ROR1: variants seen among roughly 807,000 people sequenced by gnomAD.
The protein encoded by ROR1 is inactive tyrosine-protein kinase transmembrane receptor ROR1.
A neutral mutation model predicts 78.8 loss-of-function variants in ROR1; 19 were observed. That is an observed-to-expected ratio of 0.24 (90% confidence interval 0.17 to 0.35). The LOEUF is 0.35. Among genes scored for constraint, ROR1 ranks in the 10% least tolerant of loss-of-function variants. The pLI is 1.00. For synonymous variants in ROR1, 386 were observed against 433.6 expected, an observed-to-expected ratio of 0.89 and a Z score of 1.36; for missense variants, 917 against 1,177.8, an observed-to-expected ratio of 0.78 and a Z score of 3.24.
Position 63,919,488 on chromosome 1 carries a change from C to CTTTT in ROR1, c.92-89803_92-89800dup, listed in dbSNP as rs10644304. On this transcript the variant is annotated intron_variant, in intron 1 of 8. Transcript: ENST00000371079. ...CTATGAGCAGTGTTCATTGAATTGGCTTTTTTTTTTTTTTTTTGCACTAGA... is the reference window on the plus strand; with the variant it reads ...CTATGAGCAGTGTTCATTGAATTGGCTTTTTTTTTTTTTTTTTTTTTGCACTAGA... Among the ~76,000 whole-genome samples the CTTTT allele has an allele frequency of 6.7e-3, 824 of 122,130 alleles. 6 individuals carry two copies. Among genetic ancestry groups the CTTTT allele is most frequent in the Middle Eastern group, 0.018 (4 of 224 alleles). The allele number at this position is 122,130 out of a possible 152,430, so 80.1% of individuals were successfully genotyped here.
intron 4 of ROR1, among the ~76,000 whole-genome samples, chr1:64,118,676 T>G (rs1648411240): frequency 6.8e-6 from 1 of 147,278 alleles, no homozygotes; most frequent in Non-Finnish European, 1.5e-5. Flanking sequence ...TAGATGGACC[T>G]GATCCTAATG....
chr1:63,871,785 G>C (rs1645253067), intron 1 of ROR1, among the ~76,000 whole-genome samples: 1 of 152,214 alleles, frequency 6.6e-6, no homozygotes, highest in Admixed American at 6.5e-5. Context: ...AGACTGATGG[G>C]TTTACACCAA....
intron 1 of ROR1, among the ~76,000 whole-genome samples, chr1:63,892,211 G>C (rs1057446904): frequency 6.6e-5 from 10 of 152,164 alleles, no homozygotes; most frequent in African/African-American, 2.4e-4. Flanking sequence ...CAATTGAATA[G>C]GGGAAAAGGT....
intron 1 of ROR1, among the ~76,000 whole-genome samples, chr1:63,877,196 A>C (rs1645292865): frequency 6.6e-6 from 1 of 152,166 alleles, no homozygotes; most frequent in Non-Finnish European, 1.5e-5. Flanking sequence ...ATCAGTTAAT[A>C]ACTTTGCCCA....
chr1:64,015,115 GA>G (rs1014508319), intron 2 of ROR1, among the ~76,000 whole-genome samples: 8 of 151,942 alleles, frequency 5.3e-5, no homozygotes, highest in African/African-American at 1.7e-4. Flanking sequence ...CTTGTGCAGA[GA>G]AACTCCTGTT....
intron 1 of ROR1, among the ~76,000 whole-genome samples, chr1:63,800,687 G>C (rs1349038600): frequency 6.6e-6 from 1 of 152,140 alleles, no homozygotes; most frequent in South Asian, 2.1e-4. Context: ...TCTCAGATGT[G>C]CTCCAGACTT....
chr1:64,120,479 T>C (rs1295821396), intron 4 of ROR1, among the ~76,000 whole-genome samples: 1 of 152,184 alleles, frequency 6.6e-6, no homozygotes, highest in Non-Finnish European at 1.5e-5. Context: ...GTAATAAATA[T>C]AAAAATATGA....
At chr1:64,039,824 C>A (rs990645652) in intron 2 of ROR1, among the ~76,000 whole-genome samples, 5 of 152,092 alleles carry the variant, frequency 3.3e-5, no homozygotes, top group Non-Finnish European at 5.9e-5. Flanking sequence ...TTACGTGGAC[C>A]CACTCATCCT....
At chr1:64,128,330 A>C (rs934696377) in intron 4 of ROR1, among the ~76,000 whole-genome samples, 1 of 150,982 alleles carries the variant, frequency 6.6e-6, no homozygotes, top group Non-Finnish European at 1.5e-5. Context: ...CTAGCCAAGC[A>C]TGGTGGCACA....
intron 8 of ROR1, among the ~76,000 whole-genome samples, chr1:64,160,204 A>G (rs969474889): frequency 2.0e-5 from 3 of 152,176 alleles, no homozygotes; most frequent in African/African-American, 7.2e-5. Context: ...AGGAAAAAAA[A>G]GTCTTCACAC....
chr1:63,992,718 A>C (rs1009252049), intron 1 of ROR1, among the ~76,000 whole-genome samples: 9 of 152,196 alleles, frequency 5.9e-5, no homozygotes, highest in African/African-American at 2.2e-4. Flanking sequence ...TTTTGTCACC[A>C]CCAAAATGAA....
chr1:63,860,772 GAA>G (rs1319567628), intron 1 of ROR1, among the ~76,000 whole-genome samples: 65 of 116,736 alleles, frequency 5.6e-4, no homozygotes, highest in East Asian at 1.2e-3. Flanking sequence ...CTGTCTCGGG[GAA>G]AAAAAAAAAA....
Position 63,893,054 on chromosome 1 carries a change from G to A in ROR1, c.92-116251G>A, listed in dbSNP as rs115384692. Among the ~76,000 whole-genome samples, 428 of 152,308 alleles carry A rather than the reference G, an allele frequency of 2.8e-3. 2 individuals carry two copies. The highest frequency in any genetic ancestry group is 0.01 in the African/African-American group (417 of 41,568). ...TGAGTTCATTTCTATGGTGTCAGCC[G>A]CAGAGGGTGCGGTTTCCCTGTCTCT... On this transcript the variant is annotated intron_variant, in intron 1 of 8. Transcript: ENST00000371079.
At chr1:64,153,742 G>C (rs148682768) in intron 7 of ROR1, among the ~76,000 whole-genome samples, 2 of 152,098 alleles carry the variant, frequency 1.3e-5, no homozygotes, top group African/African-American at 4.8e-5. Context: ...TGTCAGGGCT[G>C]GGGGAAGGGG....
At chr1:63,949,442 A>G (rs1645916141) in intron 1 of ROR1, among the ~76,000 whole-genome samples, 1 of 152,140 alleles carries the variant, frequency 6.6e-6, no homozygotes, top group Non-Finnish European at 1.5e-5. Flanking sequence ...ACATTTGAAT[A>G]ATGTTTCTGT....
At chr1:63,955,554 G>C (rs867943802) in intron 1 of ROR1, among the ~76,000 whole-genome samples, 2 of 152,096 alleles carry the variant, frequency 1.3e-5, no homozygotes, top group African/African-American at 4.8e-5. Context: ...AGCTGAAAGG[G>C]GGCGTAAATC....
At chr1:64,127,116 G>A (rs557444151) in intron 4 of ROR1, among the ~76,000 whole-genome samples, 14 of 152,202 alleles carry the variant, frequency 9.2e-5, no homozygotes, top group African/African-American at 1.7e-4. Flanking sequence ...CAATAAAATC[G>A]AACTGTTTCC....
At chr1:64,152,830 T>C (rs1402871757) in intron 7 of ROR1, among the ~76,000 whole-genome samples, 1 of 152,176 alleles carries the variant, frequency 6.6e-6, no homozygotes, top group Non-Finnish European at 1.5e-5. Flanking sequence ...GCAGGATTCC[T>C]CAAGCATAGC....
At chr1:63,938,876 T>C (rs1212758301) in intron 1 of ROR1, among the ~76,000 whole-genome samples, 1 of 152,050 alleles carries the variant, frequency 6.6e-6, no homozygotes, top group Non-Finnish European at 1.5e-5. Flanking sequence ...CACATGCCTG[T>C]AGTCCCAGCT....
Sources: allele counts gnomAD v4.1 joint callset (sites outside exome capture counted in the v4.1 genomes callset), GRCh38; gene constraint gnomAD v4.1.1; transcripts MANE v1.5; gene names NCBI Gene and HGNC (gene_info 2026-07-23, HGNC 2026-07-21).